Variants in USP34 observed in about 807,000 individuals in gnomAD.
USP34 encodes ubiquitin specific peptidase 34, also known as ubiquitin carboxyl-terminal hydrolase 34.
Under a neutral mutation model 460.3 loss-of-function variants are expected in USP34, and 70 were observed. The ratio of observed to expected loss-of-function variants is 0.15; its 90% confidence interval spans 0.13 to 0.19. The LOEUF (loss-of-function observed/expected upper bound fraction) is 0.19, where lower values mean the gene tolerates loss of function less well. Among genes scored for constraint, USP34 ranks in the 10% least tolerant of loss-of-function variants. The pLI, the probability that USP34 is intolerant of heterozygous loss-of-function variation, is 1.00. For synonymous variants in USP34, 1,647 were observed against 1,405.3 expected (o/e 1.17, Z -3.85); for missense variants, 3,985 against 4,236.2 (o/e 0.94, Z 1.65).
chr2:61,343,987 A>G lies in USP34; in HGVS notation c.2328T>C (p.Cys776=), dbSNP rs374235241. 5 of 1,613,814 alleles carry G rather than the reference A, an allele frequency of 3.1e-6. No homozygotes were observed. The African/African-American group carries it at 5.3e-5, about 17-fold the overall frequency. ...ATTTTGCACTAACCTGGGAGCTACT[A>G]CAACTGACATCATCTGCACTTAGCA... The part of the protein sequence containing the change: ...DDMLSADDVS[C]SSSQVSAKSE... The change falls in exon 16 of 80, where the codon TGT becomes TGC. Residue 776 remains cysteine (C), a synonymous_variant. Transcript: ENST00000398571.
chr2:61,439,939 G>A (rs1322744834), intron 1 of USP34, among the ~76,000 whole-genome samples: 1 of 152,142 alleles, frequency 6.6e-6, no homozygotes, highest in Admixed American at 6.5e-5. Context: ...AGGGTACAGG[G>A]AGCGGAGGAT....
Position 61,229,642 on chromosome 2 carries a change from A to G in USP34, c.7114-9T>C, listed in dbSNP as rs760657449. ...CACAAACGCTGAAACATCTGTGAAG[A>G]AAGAAAAAGATCAAACAAGAGCCAA... On this transcript the variant is annotated splice_polypyrimidine_tract_variant and intron_variant, in intron 58 of 79. Coordinates refer to ENST00000398571, the MANE Select transcript of USP34 (RefSeq NM_014709.4). The G allele has an allele frequency of 3.1e-6, 5 of 1,609,056 alleles. No homozygotes were observed. In the South Asian group the frequency reaches 3.3e-5, roughly 11 times the overall value.
intron 27 of USP34, among the ~76,000 whole-genome samples, chr2:61,304,381 T>C (rs1189417756): frequency 6.6e-6 from 1 of 152,240 alleles, no homozygotes; most frequent in Non-Finnish European, 1.5e-5. Context: ...CTGTATTTGA[T>C]ATGAGATAGG....
At chr2:61,455,398 G>A (rs556796526) in intron 1 of USP34, among the ~76,000 whole-genome samples, 3 of 152,158 alleles carry the variant, frequency 2.0e-5, no homozygotes, top group African/African-American at 7.2e-5. Context: ...GGCTGGTCTC[G>A]AACTCCTGAG....
At chr2:61,344,142 C>G in intron 15 of USP34, 113 bp from the exon 16 acceptor site, 1 of 919,660 alleles carries the variant, frequency 1.1e-6, no homozygotes, top group South Asian at 1.7e-5. Flanking sequence ...AAACCGACAT[C>G]TGCTTATTAA....
At chr2:61,226,878 T>A (rs1303691082) in intron 62 of USP34, 189 bp downstream of exon 62, 23 of 684,978 alleles carry the variant, frequency 3.4e-5, no homozygotes, top group Middle Eastern at 4.5e-4. Context: ...AAAACTGAAA[T>A]TCTTATGCCA....
chr2:61,242,405 ATCAGAAAAAGGTAAGAG>A (rs994054905), intron 51 of USP34, among the ~76,000 whole-genome samples: 10 of 151,740 alleles, frequency 6.6e-5, no homozygotes, highest in South Asian at 2.1e-4. Context: ...CAAAAGAAGC[ATCAGAAAAAGGTAAGAG>A]TCAGAAAAAG....
intron 1 of USP34, among the ~76,000 whole-genome samples, chr2:61,460,877 A>C (rs531974050): frequency 1.3e-5 from 2 of 151,478 alleles, no homozygotes; most frequent in East Asian, 3.9e-4. Context: ...CAGGTACTCG[A>C]GAGGCTGAGG....
intron 27 of USP34, among the ~76,000 whole-genome samples, chr2:61,308,526 A>G (rs1438980586): frequency 2.0e-5 from 3 of 152,190 alleles, no homozygotes; most frequent in Non-Finnish European, 4.4e-5. Context: ...TATGTTCCAT[A>G]AGGAGAGAAA....
At chr2:61,279,990 C>CA (rs1479969297) in intron 39 of USP34, among the ~76,000 whole-genome samples, 1 of 152,028 alleles carries the variant, frequency 6.6e-6, no homozygotes, top group Non-Finnish European at 1.5e-5. Context: ...ATGTTACATC[C>CA]ACGTATCTTA....
intron 35 of USP34, among the ~76,000 whole-genome samples, chr2:61,284,141 TTGAA>T (rs915507829): frequency 8.5e-5 from 13 of 152,234 alleles, no homozygotes; most frequent in African/African-American, 3.1e-4. Context: ...TAAACAAAAT[TTGAA>T]TGAATAAAAC....
At chr2:61,308,319 T>C (rs536298336) in intron 27 of USP34, among the ~76,000 whole-genome samples, 4 of 152,150 alleles carry the variant, frequency 2.6e-5, no homozygotes, top group East Asian at 1.9e-4. Flanking sequence ...ACTTTAAAAA[T>C]AGGCATATTT....
At chr2:61,193,136 T>G (rs1011460470) in intron 75 of USP34, 156 bp from the exon 76 acceptor site, 2 of 595,450 alleles carry the variant, frequency 3.4e-6, no homozygotes, top group Admixed American at 3.3e-5. Flanking sequence ...TTCCAATGTT[T>G]AGTGAAATAT....
Position 61,214,555 on chromosome 2 carries a change from G to A in USP34, c.8187C>T (p.Asn2729=), listed in dbSNP as rs763886171. 3.7e-6 allele frequency: 6 copies of A among 1,613,610 alleles called. No homozygotes were observed. Among genetic ancestry groups the A allele is most frequent in the Admixed American group, 1.7e-5 (1 of 59,952 alleles). ...CTCTTGAGAGCAAACCAAGGAGCAC[G>A]TTGTAGACCTGATGTAGGACTACTG... ...DTTVVLHQVY[N]VLLGLLSRAK... Residue 2729 remains asparagine (N), a synonymous_variant, in exon 68 of 80, where the codon AAC becomes AAT. Coordinates refer to ENST00000398571, the MANE Select transcript of USP34 (RefSeq NM_014709.4).
chr2:61,384,587 C>T (rs953860365), intron 5 of USP34, among the ~76,000 whole-genome samples: 2 of 152,046 alleles, frequency 1.3e-5, no homozygotes, highest in African/African-American at 2.4e-5. Flanking sequence ...GTGGGAGATT[C>T]GCTTGAACCC....
chr2:61,236,462 CAA>C (rs757475875), intron 53 of USP34, 73 bp from the exon 54 acceptor site: 80 of 1,143,354 alleles, frequency 7.0e-5, no homozygotes, highest in Middle Eastern at 2.8e-4. Context: ...TTTTATTAGA[CAA>C]AAAGTCTCTT....
rs1253266699 is a variant in USP34 at position 61,246,349 on chromosome 2, G to T, written c.6523C>A (p.Pro2175Thr). 6.3e-7 allele frequency: 1 copy of T among 1,583,332 alleles called. No individual in the cohort carries two copies. Among genetic ancestry groups the T allele is most frequent in the African/African-American group, 1.4e-5 (1 of 73,666 alleles). Residue 2175 changes from proline to threonine, a missense_variant, in exon 50 of 80, where the codon CCC becomes ACC. Coordinates refer to ENST00000398571, the MANE Select transcript of USP34 (RefSeq NM_014709.4). ...CATTTATTGTTTTTATAAGCATGGG[G>T]ATTTACTATATCTCTGATAAAGCTA... ...YYSFIRDIVN[P>T]HAYKNNKWYL...
In USP34 at chr2:61,214,372, T is replaced by C; in HGVS notation, c.8370A>G (p.Pro2790=). Reference sequence around the variant, plus strand: ...GTTTATTGTGATTTGTAGCTATTGCTGGCTCAGAAAGTTTAGGCTGGAAAA... The same window carrying C: ...GTTTATTGTGATTTGTAGCTATTGCCGGCTCAGAAAGTTTAGGCTGGAAAA... ...WNLFQPKLSE[P]AIATNHNKQA... Residue 2790 remains proline, a synonymous_variant, in exon 68 of 80, where the codon CCA becomes CCG. Transcript: ENST00000398571. The C allele has an allele frequency of 1.2e-6, 2 of 1,614,218 alleles. No individual in the cohort carries two copies. The highest frequency in any genetic ancestry group is 1.6e-4 in the Middle Eastern group (1 of 6,062).
chr2:61,433,472 A>G (rs1694733013), intron 1 of USP34, among the ~76,000 whole-genome samples: 1 of 152,060 alleles, frequency 6.6e-6, no homozygotes, highest in Non-Finnish European at 1.5e-5. Context: ...CATCTCTACT[A>G]AAAATATAAA....
Sources: gnomAD v4.1 joint callset for allele counts (sites outside exome capture counted in the v4.1 genomes callset) on GRCh38, gnomAD v4.1.1 for gene constraint, MANE v1.5 for transcripts, NCBI Gene and HGNC (gene_info 2026-07-23, HGNC 2026-07-21) for gene names.